RYR2: variants seen among roughly 807,000 people sequenced by gnomAD.
RYR2 encodes cardiac muscle ryanodine receptor-calcium release channel.
A neutral mutation model predicts 601.1 loss-of-function variants in RYR2; 227 were observed. The ratio of observed to expected loss-of-function variants is 0.38; its 90% CI spans 0.34 to 0.42. RYR2 has a LOEUF of 0.42. RYR2 is among the 10% of genes least tolerant of loss of function. The pLI is 1.00. For synonymous variants in RYR2, 2,223 were observed against 2,175.1 expected (o/e 1.02, Z -0.61); for missense variants, 4,646 against 6,156.5 (o/e 0.75, Z 8.21).
At chr1:237,280,090 A>T (rs1690707281) in intron 2 of RYR2, among the ~76,000 whole-genome samples, 1 of 152,214 alleles carries the variant, frequency 6.6e-6, no homozygotes, top group South Asian at 2.1e-4. Flanking sequence ...TGATAGAGCA[A>T]TACTTTATAT....
At chr1:237,084,452 C>T (rs990991779) in intron 1 of RYR2, among the ~76,000 whole-genome samples, 3 of 152,048 alleles carry the variant, frequency 2.0e-5, no homozygotes, top group East Asian at 1.9e-4. Context: ...TGTATAATGA[C>T]GTACATAATT....
chr1:237,531,766 A>G (rs1325336636), intron 25 of RYR2, among the ~76,000 whole-genome samples: 1 of 152,150 alleles, frequency 6.6e-6, no homozygotes. Context: ...TAGTTCCAAA[A>G]GATGTGTTTT....
intron 29 of RYR2, among the ~76,000 whole-genome samples, chr1:237,588,897 A>AC (rs79958325): frequency 0.23 from 34,386 of 151,784 alleles, 4,214 homozygotes; most frequent in East Asian, 0.48. Context: ...CTTGTGAAAA[A>AC]AAAAATCTCA....
chr1:237,761,532 T>A (rs1693435118), intron 84 of RYR2, among the ~76,000 whole-genome samples: 1 of 152,176 alleles, frequency 6.6e-6, no homozygotes, highest in Non-Finnish European at 1.5e-5. Flanking sequence ...TCTAGATTGA[T>A]GAAAGAAATT....
At chr1:237,427,229 A>C (rs1706264937) in intron 12 of RYR2, among the ~76,000 whole-genome samples, 1 of 152,226 alleles carries the variant, frequency 6.6e-6, no homozygotes, top group Admixed American at 6.5e-5. Flanking sequence ...GCAGGCATGC[A>C]GACAATGAGG....
At chr1:237,519,473 G>A (rs1666881643) in intron 24 of RYR2, among the ~76,000 whole-genome samples, 1 of 152,062 alleles carries the variant, frequency 6.6e-6, no homozygotes, top group Non-Finnish European at 1.5e-5. Flanking sequence ...AGAGATAGGG[G>A]ACCAGTTTTA....
chr1:237,570,981 G>A (rs1672622942), intron 29 of RYR2, among the ~76,000 whole-genome samples: 1 of 152,070 alleles, frequency 6.6e-6, no homozygotes, highest in Non-Finnish European at 1.5e-5. Flanking sequence ...AAAAAAATTA[G>A]CCAGTTGTGG....
chr1:237,635,231 C>A (rs779345285), intron 44 of RYR2, among the ~76,000 whole-genome samples: 1 of 151,974 alleles, frequency 6.6e-6, no homozygotes, highest in African/African-American at 2.4e-5. Flanking sequence ...GTATATAATT[C>A]TACTATACAT....
intron 2 of RYR2, among the ~76,000 whole-genome samples, chr1:237,316,580 C>G (rs1457111078): frequency 6.6e-6 from 1 of 152,160 alleles, no homozygotes; most frequent in Non-Finnish European, 1.5e-5. Flanking sequence ...CTCCTGTGTT[C>G]CTTACGTCAG....
At chr1:237,159,305 A>G (rs1052845219) in intron 1 of RYR2, among the ~76,000 whole-genome samples, 8 of 152,062 alleles carry the variant, frequency 5.3e-5, no homozygotes, top group Non-Finnish European at 1.0e-4. Flanking sequence ...AAATAATAAT[A>G]ATAATAATGA....
chr1:237,824,083 G>A (rs903096774), intron 101 of RYR2, among the ~76,000 whole-genome samples: 4 of 152,052 alleles, frequency 2.6e-5, no homozygotes, highest in Admixed American at 6.6e-5. Context: ...ATTCACAGCC[G>A]AATTCTACCA....
chr1:237,671,635 T>G (rs1684952904), intron 58 of RYR2, among the ~76,000 whole-genome samples: 1 of 152,016 alleles, frequency 6.6e-6, no homozygotes, highest in Non-Finnish European at 1.5e-5. Flanking sequence ...TTCTCTTCTC[T>G]TTTATCATCC....
intron 2 of RYR2, among the ~76,000 whole-genome samples, chr1:237,302,170 C>T (rs1558583429): frequency 6.6e-6 from 1 of 152,014 alleles, no homozygotes; most frequent in Non-Finnish European, 1.5e-5. Flanking sequence ...AAATACCAAG[C>T]CTCAAACTTC....
At chr1:237,132,927 G>T (rs1392191764) in intron 1 of RYR2, among the ~76,000 whole-genome samples, 1 of 151,648 alleles carries the variant, frequency 6.6e-6, no homozygotes, top group East Asian at 2.0e-4. Context: ...GCAGTGTTCA[G>T]GTAGAGTTGG....
chr1:237,170,184 G>A (rs1357981929), intron 1 of RYR2, among the ~76,000 whole-genome samples: 1 of 152,190 alleles, frequency 6.6e-6, no homozygotes, highest in Non-Finnish European at 1.5e-5. Context: ...TAAAAAGGAG[G>A]AAAAGGTGGG....
intron 1 of RYR2, among the ~76,000 whole-genome samples, chr1:237,191,401 G>T (rs1388099501): frequency 6.8e-6 from 1 of 146,818 alleles, no homozygotes; most frequent in Admixed American, 7.1e-5. Context: ...CCTTGAGATT[G>T]CATTTGAATT....
intron 63 of RYR2, among the ~76,000 whole-genome samples, chr1:237,696,215 A>C (rs984673356): frequency 2.0e-5 from 3 of 152,200 alleles, no homozygotes; most frequent in Non-Finnish European, 2.9e-5. Flanking sequence ...ATAAGAGCAG[A>C]TTGGAAGGGA....
intron 3 of RYR2, chr1:237,352,740 A>G (rs182246293): frequency 9.2e-6 from 3 of 324,818 alleles, no homozygotes; most frequent in Non-Finnish European, 1.9e-5. Context: ...AAGACAGAAA[A>G]ATAGAGCAGG....
chr1:237,748,936 G>C (rs1305562996), intron 80 of RYR2, among the ~76,000 whole-genome samples: 1 of 152,184 alleles, frequency 6.6e-6, no homozygotes, highest in Non-Finnish European at 1.5e-5. Flanking sequence ...TGTGTATTAA[G>C]TATTTATTAT....
Sources: allele counts gnomAD v4.1 joint callset (sites outside exome capture counted in the v4.1 genomes callset), GRCh38; gene constraint gnomAD v4.1.1; transcripts MANE v1.5; gene names NCBI Gene and HGNC (gene_info 2026-07-23, HGNC 2026-07-21).